C3orf33: variants seen among roughly 807,000 people sequenced by gnomAD.
C3orf33 encodes mitochondrial inner membrane subdomain organizer 1.
Under a neutral mutation model 28.7 loss-of-function variants are expected in C3orf33, and 23 were observed. The ratio of observed to expected loss-of-function variants is 0.80; its 90% CI spans 0.58 to 1.13. The LOEUF (loss-of-function observed/expected upper bound fraction) is 1.13. Ranked by LOEUF, C3orf33 falls within the 50% of genes most tolerant of loss-of-function variation. The probability of loss-of-function intolerance (pLI) is 0.00; values close to 1 mark genes in which losing one functional copy is unlikely to be tolerated. For missense variants in C3orf33, 327 were observed against 353.4 expected (o/e 0.93, Z 0.60); for synonymous variants, 119 against 120.5 (o/e 0.99, Z 0.08).
At chr3:155,799,438 C>T (rs1266047394) in intron 2 of C3orf33, among the ~76,000 whole-genome samples, 1 of 152,100 alleles carries the variant, frequency 6.6e-6, no homozygotes, top group African/African-American at 2.4e-5. Context: ...TCTGTAATCC[C>T]AGCACTTTGG....
At chr3:155,764,015 T>C (rs1314406085) in intron 4 of C3orf33, 97 bp from the exon 5 acceptor site, 6 of 1,027,198 alleles carry the variant, frequency 5.8e-6, no homozygotes, top group Non-Finnish European at 7.6e-6. Context: ...TCAACAATTT[T>C]AGTCCTCCAA....
chr3:155,768,551 T>G (rs1704886130), intron 3 of C3orf33, among the ~76,000 whole-genome samples: 1 of 152,194 alleles, frequency 6.6e-6, no homozygotes, highest in Admixed American at 6.5e-5. Flanking sequence ...AAGATTTTAC[T>G]TTAGATAAAA....
chr3:155,774,602 A>G lies in C3orf33; in HGVS notation c.322+1099T>C, dbSNP rs550294124. Among the ~76,000 whole-genome samples the G allele has an allele frequency of 7.4e-5, 11 of 149,612 alleles. No homozygotes were observed. The South Asian group carries it at 2.4e-3, about 33-fold the overall frequency. On this transcript the variant is annotated intron_variant, in intron 3 of 4. Coordinates refer to ENST00000340171, the MANE Select transcript of C3orf33 (RefSeq NM_001308229.2). ...GCCTGTGGGCCACATGCAGCCCAGG[A>G]TGGCTTTGAATATGTCCCAACACAA...
intron 2 of C3orf33, among the ~76,000 whole-genome samples, chr3:155,796,274 A>G (rs566342467): frequency 3.3e-5 from 5 of 152,290 alleles, no homozygotes; most frequent in African/African-American, 1.2e-4. Flanking sequence ...AGAAAAGAAG[A>G]GAGGAGACTC....
intron 3 of C3orf33, among the ~76,000 whole-genome samples, chr3:155,771,044 T>A (rs1192422882): frequency 6.1e-5 from 9 of 147,010 alleles, no homozygotes; most frequent in African/African-American, 2.1e-4. Flanking sequence ...TGTGTGTGTG[T>A]GTGTGTGTGT....
chr3:155,766,742 A>T (rs1426419160), intron 4 of C3orf33, among the ~76,000 whole-genome samples: 2 of 152,162 alleles, frequency 1.3e-5, no homozygotes, highest in Admixed American at 6.6e-5. Context: ...TGAGGTCAGG[A>T]GTTCGAGACC....
intron 2 of C3orf33, 139 bp downstream of exon 2, chr3:155,802,393 A>G (rs1334851553): frequency 6.6e-6 from 4 of 605,644 alleles, no homozygotes; most frequent in South Asian, 2.0e-5. Flanking sequence ...ACCTTAAAAT[A>G]TGTTCATTGT....
chr3:155,777,525 C>T (rs184088080), intron 2 of C3orf33, among the ~76,000 whole-genome samples: 72 of 152,006 alleles, frequency 4.7e-4, no homozygotes, highest in South Asian at 2.3e-3. Flanking sequence ...ACTGTAGCCT[C>T]GACCTCCTGG....
chr3:155,806,032 C>T, intron 1 of C3orf33, 107 bp downstream of exon 1: 1 of 753,858 alleles, frequency 1.3e-6, no homozygotes, highest in Non-Finnish European at 1.9e-6. Context: ...AGTTTTCTGT[C>T]GCTCCCCGGC....
intron 3 of C3orf33, among the ~76,000 whole-genome samples, chr3:155,770,284 C>G (rs991785880): frequency 2.6e-5 from 4 of 152,170 alleles, no homozygotes; most frequent in African/African-American, 9.6e-5. Flanking sequence ...GGGTCCAGAC[C>G]AGGGTGCAAG....
chr3:155,767,851 AT>A (rs1412967395), intron 3 of C3orf33, among the ~76,000 whole-genome samples, 182 bp from the exon 4 acceptor site: 1 of 152,210 alleles, frequency 6.6e-6, no homozygotes, highest in Non-Finnish European at 1.5e-5. Context: ...ACAAGTATAT[AT>A]AACACAGTAA....
chr3:155,764,138 T>C (rs1266760549), intron 4 of C3orf33, among the ~76,000 whole-genome samples: 1 of 152,092 alleles, frequency 6.6e-6, no homozygotes, highest in Non-Finnish European at 1.5e-5. Flanking sequence ...TTTTATAACA[T>C]GGAATTCTCC....
chr3:155,802,665 G>GA (rs922984688), intron 1 of C3orf33, 74 bp from the exon 2 acceptor site: 8 of 1,139,446 alleles, frequency 7.0e-6, no homozygotes, highest in African/African-American at 3.2e-5. Context: ...TTAGAAGGTA[G>GA]AAAAAAAGAA....
intron 2 of C3orf33, 32 bp from the exon 3 acceptor site, chr3:155,775,880 CTTA>C (rs745885713): frequency 2.7e-6 from 4 of 1,465,538 alleles, no homozygotes; most frequent in Non-Finnish European, 3.8e-6. Context: ...AATATAACCA[CTTA>C]TTATTATTGT....
At chr3:155,772,034 T>G (rs147068451) in intron 3 of C3orf33, among the ~76,000 whole-genome samples, 1,777 of 151,950 alleles carry the variant, frequency 0.012, 46 homozygotes, top group African/African-American at 0.042. Context: ...CAAGACCCCC[T>G]TTCTACAAAA....
intron 3 of C3orf33, among the ~76,000 whole-genome samples, chr3:155,769,632 T>C (rs1750521405): frequency 6.6e-6 from 1 of 152,178 alleles, no homozygotes; most frequent in African/African-American, 2.4e-5. Flanking sequence ...TAGTACATAA[T>C]GAGTTACAGA....
chr3:155,776,760 A>G (rs1750760568), intron 2 of C3orf33, among the ~76,000 whole-genome samples: 1 of 17,358 alleles, frequency 5.8e-5, no homozygotes, highest in South Asian at 2.1e-3. Flanking sequence ...TGACTCTGTC[A>G]AAAAAAAAAA....
At chr3:155,774,375 T>C (rs945541839) in intron 3 of C3orf33, among the ~76,000 whole-genome samples, 5 of 152,126 alleles carry the variant, frequency 3.3e-5, no homozygotes, top group African/African-American at 7.2e-5. Context: ...ACAGAAGAGC[T>C]GACAGTTGAG....
intron 2 of C3orf33, among the ~76,000 whole-genome samples, chr3:155,802,312 G>C (rs1477680453): frequency 1.3e-5 from 2 of 152,096 alleles, no homozygotes; most frequent in African/African-American, 4.8e-5. Flanking sequence ...ATGAAAAAAA[G>C]TGATTATGGA....
Sources: allele counts gnomAD v4.1 joint callset (sites outside exome capture counted in the v4.1 genomes callset), GRCh38; gene constraint gnomAD v4.1.1; transcripts MANE v1.5; gene names NCBI Gene and HGNC (gene_info 2026-07-23, HGNC 2026-07-21).